Variants in JHY observed in about 807,000 individuals in gnomAD.
JHY encodes junctional cadherin complex regulator, also known as jhy protein homolog.
A neutral mutation model predicts 78.0 loss-of-function variants in JHY; 69 were observed. The observed-to-expected ratio is 0.88, with a 90% CI of 0.73 to 1.08. JHY has a LOEUF of 1.08. JHY is among the 50% of genes least tolerant of loss of function. The pLI is 0.00. For missense variants in JHY, 944 were observed against 927.8 expected, an observed-to-expected ratio of 1.02 and a Z score of -0.23; for synonymous variants, 368 against 342.6, an observed-to-expected ratio of 1.07 and a Z score of -0.82.
intron 2 of JHY, among the ~76,000 whole-genome samples, chr11:122,888,200 T>C (rs1862536467): frequency 6.6e-6 from 1 of 152,182 alleles, no homozygotes; most frequent in South Asian, 2.1e-4. Context: ...ACAACCTTGA[T>C]AGGACTAGGC....
intron 4 of JHY, among the ~76,000 whole-genome samples, chr11:122,930,265 G>A (rs2135349009): frequency 6.6e-6 from 1 of 152,084 alleles, no homozygotes; most frequent in African/African-American, 2.4e-5. Context: ...ATTTTTAGTA[G>A]AGACAGGGTT....
At chr11:122,951,420 T>C (rs1168581414) in intron 6 of JHY, among the ~76,000 whole-genome samples, 1 of 152,234 alleles carries the variant, frequency 6.6e-6, no homozygotes, top group Non-Finnish European at 1.5e-5. Context: ...AATCTGGGCA[T>C]TGCTGCTTGA....
chr11:122,928,563 A>AAC (rs1391215549), intron 4 of JHY, among the ~76,000 whole-genome samples: 1 of 151,492 alleles, frequency 6.6e-6, no homozygotes, highest in Admixed American at 6.6e-5. Context: ...GAAAAAAAAA[A>AAC]AAAACAAGCA....
chr11:122,960,371 C>A lies in JHY; in HGVS notation c.*926C>A. 5.3e-6 allele frequency: 1 copy of A among 187,966 alleles called. No individual in the cohort carries two copies. The allele number at this position is 187,966 out of a possible 1,614,324, so 11.6% of individuals were successfully genotyped here. A position where few individuals can be genotyped will look rare whatever the true frequency, so the allele number is the denominator to read the frequency against. On this transcript the variant is annotated 3_prime_UTR_variant, in exon 9 of 9. Coordinates refer to ENST00000227349, the MANE Select transcript of JHY (RefSeq NM_024806.4). ...TTTCTGCCACTGCCACAGTGGCCCCCTCTCTGTAGAATGCAGTTTTCTTAG... is the reference window on the plus strand; with the variant it reads ...TTTCTGCCACTGCCACAGTGGCCCCATCTCTGTAGAATGCAGTTTTCTTAG...
intron 2 of JHY, among the ~76,000 whole-genome samples, chr11:122,896,910 GC>G (rs1314121923): frequency 6.6e-6 from 1 of 152,224 alleles, no homozygotes; most frequent in Non-Finnish European, 1.5e-5. Flanking sequence ...AGGCTGGAGT[GC>G]AATGGCATGA....
chr11:122,924,061 A>T (rs896644113), intron 3 of JHY, among the ~76,000 whole-genome samples: 1 of 151,918 alleles, frequency 6.6e-6, no homozygotes, highest in East Asian at 1.9e-4. Context: ...TAAATAGTAG[A>T]TAGGTAACTT....
intron 2 of JHY, among the ~76,000 whole-genome samples, chr11:122,897,221 T>G (rs1862757522): frequency 6.6e-6 from 1 of 152,070 alleles, no homozygotes; most frequent in African/African-American, 2.4e-5. Flanking sequence ...ATTATTATTT[T>G]TTTAACTTTT....
chr11:122,896,762 C>T (rs1276807185), intron 2 of JHY, among the ~76,000 whole-genome samples: 1 of 152,198 alleles, frequency 6.6e-6, no homozygotes, highest in Non-Finnish European at 1.5e-5. Context: ...AAGGCTAGTG[C>T]TGGAGCTCTC....
At chr11:122,942,572 C>T (rs1054774056) in intron 5 of JHY, among the ~76,000 whole-genome samples, 9 of 151,910 alleles carry the variant, frequency 5.9e-5, no homozygotes, top group East Asian at 3.9e-4. Context: ...TACAGGCATA[C>T]GCCACCATGC....
intron 3 of JHY, among the ~76,000 whole-genome samples, chr11:122,920,296 T>TA (rs1254439858): frequency 6.6e-6 from 1 of 152,178 alleles, no homozygotes; most frequent in Non-Finnish European, 1.5e-5. Context: ...TAATACTACT[T>TA]AAAAAATCAA....
chr11:122,889,888 A>G (rs930225962), intron 2 of JHY, among the ~76,000 whole-genome samples: 5 of 152,046 alleles, frequency 3.3e-5, no homozygotes, highest in African/African-American at 1.2e-4. Context: ...CCTCCCGAGT[A>G]GCGTGCGCCA....
chr11:122,923,411 A>C (rs1863418079), intron 3 of JHY, among the ~76,000 whole-genome samples: 2 of 152,246 alleles, frequency 1.3e-5, no homozygotes, highest in Non-Finnish European at 2.9e-5. Flanking sequence ...TTAGGCAGAC[A>C]GCGAGTAAAC....
At chr11:122,941,901 T>G (rs920568492) in intron 5 of JHY, among the ~76,000 whole-genome samples, 1 of 152,176 alleles carries the variant, frequency 6.6e-6, no homozygotes, top group African/African-American at 2.4e-5. Context: ...AGACAGAGTC[T>G]TGCTCTGTCA....
intron 3 of JHY, among the ~76,000 whole-genome samples, chr11:122,909,146 G>C (rs184759040): frequency 6.6e-6 from 1 of 152,126 alleles, no homozygotes; most frequent in Non-Finnish European, 1.5e-5. Flanking sequence ...GCCTATTAGA[G>C]AAATGCAAAT....
intron 3 of JHY, among the ~76,000 whole-genome samples, chr11:122,906,396 A>T (rs912079798): frequency 1.3e-5 from 2 of 152,050 alleles, no homozygotes; most frequent in African/African-American, 4.8e-5. Context: ...GGGTCTCATC[A>T]TGTTGCCCAG....
At chr11:122,909,867 A>G (rs1247633652) in intron 3 of JHY, among the ~76,000 whole-genome samples, 1 of 152,224 alleles carries the variant, frequency 6.6e-6, no homozygotes, top group Admixed American at 6.5e-5. Context: ...AGGTATACAT[A>G]TAAGTATAAA....
rs929111950 is a variant in JHY, at chr11:122,963,635, T to C, written c.*4190T>C. Reference sequence around the variant, plus strand: ...ATTGTACTAATGACAACAATAGTGATCTTTTATAGGCCCAAGTTGGATCAG... The same window carrying C: ...ATTGTACTAATGACAACAATAGTGACCTTTTATAGGCCCAAGTTGGATCAG... On this transcript the variant is annotated 3_prime_UTR_variant, in exon 9 of 9. Coordinates refer to ENST00000227349, the MANE Select transcript of JHY (RefSeq NM_024806.4). Among the ~76,000 whole-genome samples the C allele has an allele frequency of 6.6e-6, 1 of 152,188 alleles. No individual in the cohort carries two copies. Among genetic ancestry groups the C allele is most frequent in the Non-Finnish European group, 1.5e-5 (1 of 68,020 alleles).
At chr11:122,888,275 G>A (rs548069078) in intron 2 of JHY, among the ~76,000 whole-genome samples, 1 of 152,282 alleles carries the variant, frequency 6.6e-6, no homozygotes, top group East Asian at 1.9e-4. Context: ...CAGCGTTTAA[G>A]GAAGATTATT....
chr11:122,925,787 G>A (rs1863484422), intron 4 of JHY, among the ~76,000 whole-genome samples: 1 of 152,108 alleles, frequency 6.6e-6, no homozygotes, highest in South Asian at 2.1e-4. Flanking sequence ...GGAGGCCGAG[G>A]TGGGTGAATC....
Sources: gnomAD v4.1 joint callset for allele counts (sites outside exome capture counted in the v4.1 genomes callset) on GRCh38, gnomAD v4.1.1 for gene constraint, MANE v1.5 for transcripts, NCBI Gene and HGNC (gene_info 2026-07-23, HGNC 2026-07-21) for gene names.